Variants in MGA observed in about 807,000 individuals in gnomAD.
MGA encodes the protein MAX gene-associated protein.
A neutral mutation model predicts 261.1 loss-of-function variants in MGA; 40 were observed. The observed-to-expected ratio is 0.15, with a 90% CI of 0.12 to 0.20. MGA has a LOEUF of 0.20. Among genes scored for constraint, MGA ranks in the 10% least tolerant of loss-of-function variants. MGA has a pLI of 1.00. For synonymous variants in MGA, 1,302 were observed against 1,290.6 expected (o/e 1.01, Z -0.19); for missense variants, 3,397 against 3,630.5 (o/e 0.94, Z 1.65).
chr15:41,671,217 G>A (rs1205018947), intron 2 of MGA, among the ~76,000 whole-genome samples: 4 of 152,302 alleles, frequency 2.6e-5, no homozygotes, highest in Admixed American at 1.3e-4. Flanking sequence ...CAAAATATTT[G>A]GGATGAGATG....
At chr15:41,677,629 C>A (rs1381981856) in intron 2 of MGA, among the ~76,000 whole-genome samples, 1 of 152,152 alleles carries the variant, frequency 6.6e-6, no homozygotes, top group African/African-American at 2.4e-5. Flanking sequence ...TTAATAATAG[C>A]CATCTTAATG....
intron 9 of MGA, among the ~76,000 whole-genome samples, chr15:41,719,222 GAT>G (rs2060813943): frequency 6.6e-6 from 1 of 152,000 alleles, no homozygotes. Flanking sequence ...AAAACTATAA[GAT>G]ATTGCTGAGA....
chr15:41,632,658 A>G (rs1160753294), intron 1 of MGA, among the ~76,000 whole-genome samples: 1 of 152,072 alleles, frequency 6.6e-6, no homozygotes, highest in East Asian at 1.9e-4. Flanking sequence ...CAGACTCCAA[A>G]TCAGGGAGAT....
At chr15:41,762,619 A>G (rs575054834) in intron 22 of MGA, among the ~76,000 whole-genome samples, 1 of 151,254 alleles carries the variant, frequency 6.6e-6, no homozygotes, top group South Asian at 2.1e-4. Context: ...AGCGAGCACC[A>G]CCATGCCCAA....
chr15:41,682,916 G>A (rs1178256076), intron 2 of MGA, among the ~76,000 whole-genome samples: 1 of 152,108 alleles, frequency 6.6e-6, no homozygotes, highest in African/African-American at 2.4e-5. Context: ...AGATGTTTAA[G>A]TAAAATTACT....
At chr15:41,639,448 A>G (rs2056778123) in intron 1 of MGA, among the ~76,000 whole-genome samples, 1 of 151,716 alleles carries the variant, frequency 6.6e-6, no homozygotes, top group South Asian at 2.1e-4. Flanking sequence ...TGGTTAATTC[A>G]TAGAACCTTT....
intron 9 of MGA, among the ~76,000 whole-genome samples, chr15:41,715,390 G>A (rs2060581999): frequency 6.6e-6 from 1 of 151,558 alleles, no homozygotes; most frequent in South Asian, 2.1e-4. Flanking sequence ...CTTTATGATC[G>A]GCCCACCTCG....
intron 2 of MGA, among the ~76,000 whole-genome samples, chr15:41,690,469 C>T (rs1266779592): frequency 6.6e-6 from 1 of 152,114 alleles, no homozygotes; most frequent in Non-Finnish European, 1.5e-5. Context: ...GTCTTGGCAC[C>T]TTGGCAATTG....
Position 41,669,073 on chromosome 15 carries a change from C to A in MGA, c.179C>A (p.Ser60Tyr). Residue 60 changes from serine (S) to tyrosine (Y), a missense_variant, in exon 2 of 24, where the codon TCT becomes TAT. Physicochemically the swap from Ser to Tyr is moderately radical, Grantham distance 144. This residue lies in a region of MGA where 81 missense variants were observed against 84.3 expected (regional missense o/e 0.96). Transcript: ENST00000219905. ...AGTAGTGTGTCATCACCAGTAAAAT[C>A]TAAAGGGAAGATTTGCCTTCCAGCT... 6.2e-7 allele frequency: 1 copy of A among 1,610,402 alleles called. No homozygotes were observed. Among genetic ancestry groups the A allele is most frequent in the East Asian group, 2.2e-5 (1 of 44,748 alleles).
chr15:41,742,275 C>A (rs368650927), intron 14 of MGA, among the ~76,000 whole-genome samples: 17 of 151,954 alleles, frequency 1.1e-4, no homozygotes, highest in African/African-American at 3.9e-4. Flanking sequence ...GTAATCCCAG[C>A]TACTCGGGAA....
intron 11 of MGA, among the ~76,000 whole-genome samples, chr15:41,733,815 GTAT>G (rs1309452308): frequency 6.6e-6 from 1 of 151,972 alleles, no homozygotes; most frequent in Non-Finnish European, 1.5e-5. Flanking sequence ...AAATTAAAAA[GTAT>G]TATTCTTTCT....
At chr15:41,745,719 T>A (rs968635893) in intron 15 of MGA, among the ~76,000 whole-genome samples, 1 of 152,002 alleles carries the variant, frequency 6.6e-6, no homozygotes, top group Admixed American at 6.6e-5. Context: ...ATCCTCCCAT[T>A]TCAGTCTCCC....
intron 2 of MGA, among the ~76,000 whole-genome samples, chr15:41,671,016 A>G (rs1566955638): frequency 6.6e-6 from 1 of 152,166 alleles, no homozygotes; most frequent in Non-Finnish European, 1.5e-5. Flanking sequence ...TAGGCCCACC[A>G]CATCTACTGG....
intron 18 of MGA, among the ~76,000 whole-genome samples, chr15:41,756,395 A>G (rs1185133484): frequency 6.6e-6 from 1 of 152,346 alleles, no homozygotes; most frequent in East Asian, 1.9e-4. Flanking sequence ...TAAGACTTCA[A>G]AAGTGGAGAT....
At chr15:41,720,093 A>G (rs2060858833) in intron 9 of MGA, among the ~76,000 whole-genome samples, 1 of 152,198 alleles carries the variant, frequency 6.6e-6, no homozygotes, top group Non-Finnish European at 1.5e-5. Flanking sequence ...TTTATATGGA[A>G]ATGCGAAGAA....
At chr15:41,765,606 T>TAA (rs2063757489) in intron 23 of MGA, among the ~76,000 whole-genome samples, 1 of 152,244 alleles carries the variant, frequency 6.6e-6, no homozygotes, top group East Asian at 1.9e-4. Context: ...TCTCTACCTG[T>TAA]TGCCAAACTC....
chr15:41,660,890 G>A (rs1195086000), intron 1 of MGA, among the ~76,000 whole-genome samples: 5 of 152,214 alleles, frequency 3.3e-5, no homozygotes. Flanking sequence ...TCCGCGTGAC[G>A]ACTTCTCGCC....
rs1006581329 is a variant in MGA, at chr15:41,748,860, A to G, written c.5436A>G (p.Leu1812=). ...CTAATGGGCAGATTGTCCAGCTTCT[A>G]CCTTTGCATCAGCTTCGAGGCTCTA... The change falls in exon 16 of 24, where the codon CTA becomes CTG. Residue 1812 remains leucine, a synonymous_variant. Transcript: ENST00000219905. 6.2e-7 allele frequency: 1 copy of G among 1,613,992 alleles called. No individual in the cohort carries two copies.
intron 14 of MGA, among the ~76,000 whole-genome samples, chr15:41,741,985 C>A (rs142733061): frequency 6.6e-6 from 1 of 151,506 alleles, no homozygotes; most frequent in East Asian, 2.0e-4. Context: ...GCTGGGATTA[C>A]AGGTGTGAGT....
Sources: allele counts gnomAD v4.1 joint callset (sites outside exome capture counted in the v4.1 genomes callset), GRCh38; gene constraint gnomAD v4.1.1; regional missense constraint gnomAD v4.1.1; transcripts MANE v1.5; gene names NCBI Gene and HGNC (gene_info 2026-07-23, HGNC 2026-07-21).